Variants in PARP16 observed in about 807,000 individuals in gnomAD.
PARP16 encodes poly(ADP-ribose) polymerase family member 16.
Under a neutral mutation model 35.0 loss-of-function variants are expected in PARP16, and 31 were observed. That is an observed-to-expected ratio of 0.88 (90% CI 0.66 to 1.19). The LOEUF (loss-of-function observed/expected upper bound fraction) is 1.19. Ranked by LOEUF, PARP16 falls within the 50% of genes most tolerant of loss-of-function variation. PARP16 has a pLI of 0.00. For synonymous variants in PARP16, 162 were observed against 169.5 expected, an observed-to-expected ratio of 0.96 and a Z score of 0.34; for missense variants, 424 against 411.2, an observed-to-expected ratio of 1.03 and a Z score of -0.27.
chr15:65,234,753 G>C (rs2088831334), exon 4 of PARP16: 2 of 152,324 alleles, frequency 1.3e-5, no homozygotes, highest in South Asian at 4.1e-4. Flanking sequence ...GGGGCTTCTG[G>C]CTGTAAAACC....
chr15:65,285,173 T>C (rs1405428057), intron 1 of PARP16, among the ~76,000 whole-genome samples: 1 of 149,398 alleles, frequency 6.7e-6, no homozygotes, highest in African/African-American at 2.4e-5. Flanking sequence ...GTTTCATTCT[T>C]GTTGCCCAGG....
chr15:65,268,013 A>T (rs1345455007), intron 2 of PARP16, among the ~76,000 whole-genome samples: 1 of 151,886 alleles, frequency 6.6e-6, no homozygotes, highest in East Asian at 1.9e-4. Context: ...TTTTACATCT[A>T]TCTCCTGCAT....
chr15:65,283,616 G>A (rs551845058), intron 1 of PARP16, among the ~76,000 whole-genome samples: 168 of 152,238 alleles, frequency 1.1e-3, no homozygotes, highest in Non-Finnish European at 1.9e-3. Context: ...CTTGGGACTT[G>A]GCAAGGCATC....
At chr15:65,235,489 C>T (rs1453813807) in intron 3 of PARP16, among the ~76,000 whole-genome samples, 2 of 151,720 alleles carry the variant, frequency 1.3e-5, no homozygotes, top group Non-Finnish European at 2.9e-5. Flanking sequence ...TTAGATTCTA[C>T]CTCTTGATGG....
At chr15:65,230,973 C>T (rs1406431172), downstream of PARP16, among the ~76,000 whole-genome samples, 1 of 149,116 alleles carries the variant, frequency 6.7e-6, no homozygotes. Context: ...ACTGCAACCT[C>T]CGCCTCCCAG....
At chr15:65,265,669 T>G (rs996949817) in intron 3 of PARP16, among the ~76,000 whole-genome samples, 4 of 152,168 alleles carry the variant, frequency 2.6e-5, no homozygotes, top group African/African-American at 9.7e-5. Flanking sequence ...AACTTCAATA[T>G]GCATACAGAT....
At chr15:65,257,524 G>T (rs1244226926), downstream of PARP16, among the ~76,000 whole-genome samples, 1 of 151,626 alleles carries the variant, frequency 6.6e-6, no homozygotes, top group African/African-American at 2.4e-5. Context: ...CCAGCTACAG[G>T]GAGGCTAAGG....
chr15:65,267,521 G>T (rs1041818615), intron 2 of PARP16, among the ~76,000 whole-genome samples: 8 of 150,844 alleles, frequency 5.3e-5, no homozygotes, highest in Non-Finnish European at 5.9e-5. Context: ...GCAGGAGAAT[G>T]GTGTGAACCC....
chr15:65,283,252 C>T (rs1232687641), intron 1 of PARP16, among the ~76,000 whole-genome samples: 3 of 151,996 alleles, frequency 2.0e-5, no homozygotes, highest in Non-Finnish European at 2.9e-5. Flanking sequence ...GTCTGGACAA[C>T]GTTGTGAGAC....
At chr15:65,266,282 A>G (rs965866973) in intron 3 of PARP16, among the ~76,000 whole-genome samples, 5 of 152,176 alleles carry the variant, frequency 3.3e-5, no homozygotes, top group African/African-American at 1.2e-4. Flanking sequence ...CTTTAAATCG[A>G]CGCTTTTCAA....
Position 65,242,633 on chromosome 15 carries a change from TTATA to T in PARP16, c.*97+5480_*97+5483del, listed in dbSNP as rs1294242651. ...ATGTCAATTTCCAAGTGTTTTTTGCTTATATAGAGAAACACAATTAGTTTTCATA... is the reference window on the plus strand; with the variant it reads ...ATGTCAATTTCCAAGTGTTTTTTGCTTAGAGAAACACAATTAGTTTTCATA... On this transcript the variant is annotated intron_variant and NMD_transcript_variant, in intron 3 of 3. Coordinates refer to the PARP16 transcript ENST00000559805. Among the ~76,000 whole-genome samples the T allele has an allele frequency of 1.1e-4, 16 of 152,334 alleles. No individual in the cohort carries two copies. The South Asian group carries it at 2.7e-3, about 26-fold the overall frequency.
intron 3 of PARP16, among the ~76,000 whole-genome samples, chr15:65,247,485 A>C (rs1270640007): frequency 1.3e-5 from 2 of 152,186 alleles, no homozygotes; most frequent in Non-Finnish European, 2.9e-5. Flanking sequence ...TAACCCAGGA[A>C]TCAATCACCC....
chr15:65,269,636 TG>T (rs1199381057), intron 2 of PARP16, among the ~76,000 whole-genome samples: 3 of 152,242 alleles, frequency 2.0e-5, no homozygotes, highest in African/African-American at 7.2e-5. Context: ...TTGGAAGAAC[TG>T]TTCTTCATTC....
rs367808430 is a variant in PARP16 at position 65,239,955 on chromosome 15, C to CTTTTTTTTTTTTTTTTT, written c.*98-5149_*98-5133dup. ...ACAGGCGTGAGCCACCGCGTCTGAC[C>CTTTTTTTTTTTTTTTTT]TTTTTTTTTTTTTTTTTTTAAATAC... is the stretch of plus-strand genomic sequence containing the variant. On this transcript the variant is annotated intron_variant and NMD_transcript_variant, in intron 3 of 3. Coordinates refer to the PARP16 transcript ENST00000559805. Among the ~76,000 whole-genome samples the CTTTTTTTTTTTTTTTTT allele has an allele frequency of 2.0e-3, 161 of 81,710 alleles. 29 individuals carry two copies. The highest frequency in any genetic ancestry group is 0.013 in the Middle Eastern group (1 of 78). The allele number at this position is 81,710 out of a possible 152,430, so 53.6% of individuals were successfully genotyped here.
intron 1 of PARP16, among the ~76,000 whole-genome samples, chr15:65,273,406 AT>A (rs1283884084): frequency 2.0e-5 from 3 of 151,978 alleles, no homozygotes; most frequent in African/African-American, 7.2e-5. Context: ...GTGGGGGCTC[AT>A]GCCTATAATC....
chr15:65,250,655 C>T (rs2140776368), intron 2 of PARP16, among the ~76,000 whole-genome samples: 1 of 152,302 alleles, frequency 6.6e-6, no homozygotes. Flanking sequence ...CTGCTGCAGA[C>T]TGCATCTCTG....
downstream of PARP16, among the ~76,000 whole-genome samples, chr15:65,233,986 T>C (rs373085816): frequency 7.9e-5 from 12 of 152,168 alleles, no homozygotes; most frequent in African/African-American, 2.9e-4. Flanking sequence ...TTTAGTACCA[T>C]AAAATATCTT....
chr15:65,260,799 G>C (rs564159623), intron 5 of PARP16, 86 bp downstream of exon 5: 2 of 1,256,838 alleles, frequency 1.6e-6, no homozygotes, highest in African/African-American at 2.9e-5. Flanking sequence ...GGAGGTCTAA[G>C]GCTGGGGGAG....
At chr15:65,284,468 C>T (rs144024262) in intron 1 of PARP16, among the ~76,000 whole-genome samples, 1,904 of 151,150 alleles carry the variant, frequency 0.013, 22 homozygotes, top group Middle Eastern at 0.041. Context: ...CCTGCCTCAG[C>T]CTCCTGAGTA....
Sources: gnomAD v4.1 joint callset for allele counts (sites outside exome capture counted in the v4.1 genomes callset) on GRCh38, gnomAD v4.1.1 for gene constraint, MANE v1.5 for transcripts, NCBI Gene and HGNC (gene_info 2026-07-23, HGNC 2026-07-21) for gene names.